ATP2B2: variants seen among roughly 807,000 people sequenced by gnomAD.
ATP2B2 encodes the protein ATPase plasma membrane Ca2+ transporting 2.
Under a neutral mutation model 120.0 loss-of-function variants are expected in ATP2B2, and 15 were observed. The ratio of observed to expected loss-of-function variants is 0.12; its 90% CI spans 0.08 to 0.19. The LOEUF (loss-of-function observed/expected upper bound fraction) is 0.19, where lower values mean the gene tolerates loss of function less well. ATP2B2 is among the 10% of genes least tolerant of loss of function. The pLI is 1.00. For missense variants in ATP2B2, 1,045 were observed against 1,719.8 expected (o/e 0.61, Z 6.94); for synonymous variants, 694 against 700.3 (o/e 0.99, Z 0.14).
intron 2 of ATP2B2, among the ~76,000 whole-genome samples, chr3:10,557,769 C>G (rs745442606): frequency 1.3e-5 from 2 of 152,198 alleles, no homozygotes; most frequent in Admixed American, 6.5e-5. Context: ...ACCTGGCAGG[C>G]ATGGGTTTGA....
intron 12 of ATP2B2, among the ~76,000 whole-genome samples, chr3:10,363,233 T>TC (rs1381239878): frequency 1.3e-5 from 2 of 152,206 alleles, no homozygotes; most frequent in Admixed American, 1.3e-4. Flanking sequence ...TCAGGGACCC[T>TC]CCCCTTTTCT....
At position 10,455,785 on chromosome 3, in the gene ATP2B2, TC is replaced by T. The variant is rs554366044; in HGVS notation, c.-319-5924del. The stretch of plus-strand genomic sequence containing the variant: ...CAACTGAGACAAAGCCCAGTGAGAA[TC>T]TCCTCCTTGTTTTCCCAGCTCCAGT... On this transcript the variant is annotated intron_variant, in intron 1 of 22. Coordinates refer to ENST00000360273, the MANE Select transcript of ATP2B2 (RefSeq NM_001001331.4). 3.3e-3 allele frequency among the ~76,000 whole-genome samples: 499 copies of T among 152,300 alleles called. 6 individuals carry two copies. The highest frequency in any genetic ancestry group is 4.7e-3 in the Admixed American group (72 of 15,304).
At chr3:10,462,474 A>G (rs2064533615) in intron 1 of ATP2B2, among the ~76,000 whole-genome samples, 1 of 152,154 alleles carries the variant, frequency 6.6e-6, no homozygotes, top group South Asian at 2.1e-4. Context: ...TCCTTCAGTG[A>G]CCACAGAGTG....
chr3:10,544,455 T>A (rs143588933), intron 2 of ATP2B2, among the ~76,000 whole-genome samples: 1 of 152,330 alleles, frequency 6.6e-6, no homozygotes, highest in East Asian at 1.9e-4. Context: ...CAGCAGAACC[T>A]TTTGCCTTGA....
intron 2 of ATP2B2, among the ~76,000 whole-genome samples, chr3:10,415,014 C>T (rs149937416): frequency 2.0e-5 from 3 of 152,138 alleles, no homozygotes; most frequent in Non-Finnish European, 2.9e-5. Flanking sequence ...GTGGTCATGA[C>T]GTCTCGCTCA....
chr3:10,545,156 C>T (rs893540159), intron 2 of ATP2B2, among the ~76,000 whole-genome samples: 17 of 152,194 alleles, frequency 1.1e-4, no homozygotes, highest in Non-Finnish European at 2.2e-4. Context: ...AGATTACATA[C>T]TGTATGATGC....
chr3:10,348,204 C>G (rs2125402845), intron 16 of ATP2B2, among the ~76,000 whole-genome samples: 1 of 152,230 alleles, frequency 6.6e-6, no homozygotes, highest in South Asian at 2.1e-4. Flanking sequence ...CCTCCTGCTC[C>G]TCATCCCTCC....
At position 10,343,449 on chromosome 3, in the gene ATP2B2, T is replaced by C. The variant is rs2060341448; in HGVS notation, c.2704-484A>G. ...CTTATCCCGCCTTACCTTAAAAAAT[T>C]ATTGTGCGTATCTATGACTCAAAAA... On this transcript the variant is annotated intron_variant, in intron 18 of 22. Transcript: ENST00000360273. The surrounding 1 kb of genome is among the most constrained non-coding windows in gnomAD (Gnocchi z 4.2). Among the ~76,000 whole-genome samples, 1 of 147,356 alleles carries C rather than the reference T, an allele frequency of 6.8e-6. No homozygotes were observed. Among genetic ancestry groups the C allele is most frequent in the Non-Finnish European group, 1.5e-5 (1 of 67,350 alleles).
intron 1 of ATP2B2, among the ~76,000 whole-genome samples, chr3:10,677,105 G>A (rs1407750549): frequency 2.0e-5 from 3 of 152,196 alleles, no homozygotes; most frequent in African/African-American, 4.8e-5. Flanking sequence ...ACAAAGTTCT[G>A]CACACAGATG....
chr3:10,649,671 GTTT>G (rs2070403358), intron 1 of ATP2B2, among the ~76,000 whole-genome samples: 1 of 152,170 alleles, frequency 6.6e-6, no homozygotes, highest in Non-Finnish European at 1.5e-5. Flanking sequence ...TGGTGATATG[GTTT>G]GGCTGTGTTC....
Position 10,402,712 on chromosome 3 carries a change from G to A in ATP2B2, c.398-364C>T, listed in dbSNP as rs901933496. ...GCCTTGGTTCTAGCTGTGAGATCTT[G>A]GGCAAATGACTCCCTTTCTGAAACT... On this transcript the variant is annotated intron_variant, in intron 3 of 22. Transcript: ENST00000360273. The surrounding 1 kb of genome is among the most constrained non-coding windows in gnomAD (Gnocchi z 4.9). Among the ~76,000 whole-genome samples the A allele has an allele frequency of 7.2e-5, 11 of 152,088 alleles. No individual in the cohort carries two copies. The highest frequency in any genetic ancestry group is 4.6e-4 in the Admixed American group (7 of 15,270).
intron 5 of ATP2B2, among the ~76,000 whole-genome samples, chr3:10,389,632 G>A (rs1202920351): frequency 6.6e-6 from 1 of 152,192 alleles, no homozygotes; most frequent in Admixed American, 6.5e-5. Flanking sequence ...TTTAATGGGT[G>A]CAGAGCTTCA....
chr3:10,418,925 C>T (rs1435322345), intron 2 of ATP2B2, among the ~76,000 whole-genome samples: 1 of 152,140 alleles, frequency 6.6e-6, no homozygotes, highest in Admixed American at 6.5e-5. Context: ...GGGAGCTGGG[C>T]GCCTTGTCTG....
At chr3:10,577,039 G>C (rs1454211799) in intron 2 of ATP2B2, among the ~76,000 whole-genome samples, 1 of 137,274 alleles carries the variant, frequency 7.3e-6, no homozygotes, top group Non-Finnish European at 1.6e-5. Flanking sequence ...GTGACAGAGT[G>C]AGACTCTGTG....
intron 1 of ATP2B2, among the ~76,000 whole-genome samples, chr3:10,620,636 G>T (rs1029896084): frequency 1.2e-4 from 19 of 152,316 alleles, no homozygotes; most frequent in South Asian, 6.2e-4. Context: ...GTGCAGAGCA[G>T]ATGCTTGATG....
intron 2 of ATP2B2, among the ~76,000 whole-genome samples, chr3:10,610,076 TAC>T (rs34843797): frequency 0.29 from 42,504 of 146,508 alleles, 7,931 homozygotes; most frequent in African/African-American, 0.51. Context: ...TATACACACA[TAC>T]ACACACACAC....
At chr3:10,561,324 G>C (rs141549594) in intron 2 of ATP2B2, among the ~76,000 whole-genome samples, 1 of 152,320 alleles carries the variant, frequency 6.6e-6, no homozygotes, top group Non-Finnish European at 1.5e-5. Flanking sequence ...AGTGGGACGA[G>C]GTGGGGCACA....
intron 22 of ATP2B2, chr3:10,336,196 G>T (rs1559524594): frequency 6.4e-7 from 1 of 1,550,694 alleles, no homozygotes; most frequent in Non-Finnish European, 8.7e-7. Context: ...CGCGACTAGG[G>T]CTAGAGAGAT....
Position 10,328,478 on chromosome 3 carries a change from C to A in ATP2B2, c.*336G>T. The A allele has an allele frequency of 3.2e-6, 1 of 311,934 alleles. No homozygotes were observed. Among genetic ancestry groups the A allele is most frequent in the Non-Finnish European group, 6.0e-6 (1 of 167,450 alleles). The allele number at this position is 311,934 out of a possible 1,614,324, so 19.3% of individuals were successfully genotyped here. On this transcript the variant is annotated 3_prime_UTR_variant, in exon 23 of 23. Coordinates refer to ENST00000360273, the MANE Select transcript of ATP2B2 (RefSeq NM_001001331.4). Reference sequence around the variant, plus strand: ...AAACAAGGGGAGGATTGAAAGTGTACAGTACATTCATGCGGGGGACGTGGT... The same window carrying A: ...AAACAAGGGGAGGATTGAAAGTGTAAAGTACATTCATGCGGGGGACGTGGT...
Sources: allele counts gnomAD v4.1 joint callset (sites outside exome capture counted in the v4.1 genomes callset), GRCh38; gene constraint gnomAD v4.1.1; non-coding constraint Gnocchi (gnomAD v3.1); transcripts MANE v1.5; gene names NCBI Gene and HGNC (gene_info 2026-07-23, HGNC 2026-07-21).